The following CSMD2 variants were observed in gnomAD, a reference collection of about 807,000 sequenced individuals.
CSMD2 encodes CUB and Sushi multiple domains 2.
Under a neutral mutation model 398.5 loss-of-function variants are expected in CSMD2, and 130 were observed. The ratio of observed to expected loss-of-function variants is 0.33; its 90% CI spans 0.28 to 0.38. CSMD2 has a LOEUF of 0.38. Ranked by LOEUF, CSMD2 falls within the 10% of genes least tolerant of loss-of-function variation. The pLI is 1.00. For missense variants in CSMD2, 3,829 were observed against 4,764.9 expected, an observed-to-expected ratio of 0.80 and a Z score of 5.78; for synonymous variants, 1,828 against 1,908.5, an observed-to-expected ratio of 0.96 and a Z score of 1.10.
In CSMD2 at chr1:34,138,865, T is replaced by C. The variant is rs1419126190; in HGVS notation, c.187+26046A>G. Among the ~76,000 whole-genome samples, 3 of 152,340 alleles carry C rather than the reference T, an allele frequency of 2.0e-5. No homozygotes were observed. The East Asian group carries it at 5.8e-4, about 29-fold the overall frequency. Reference sequence around the variant, plus strand: ...ATACACATTCATATATAACCTTGCATGAATGCATAAATATGATCTTCTTGT... The same window carrying C: ...ATACACATTCATATATAACCTTGCACGAATGCATAAATATGATCTTCTTGT... On this transcript the variant is annotated intron_variant, in intron 1 of 70. Transcript: ENST00000373381.
chr1:34,025,202 CCTT>C (rs1649478385), intron 3 of CSMD2, among the ~76,000 whole-genome samples: 1 of 152,196 alleles, frequency 6.6e-6, no homozygotes, highest in Non-Finnish European at 1.5e-5. Flanking sequence ...ACGCTGTGGT[CCTT>C]ATACAGAGAT....
intron 27 of CSMD2, among the ~76,000 whole-genome samples, chr1:33,654,839 C>T (rs1250797382): frequency 6.6e-6 from 1 of 152,242 alleles, no homozygotes; most frequent in African/African-American, 2.4e-5. Flanking sequence ...GGCTTCTTCC[C>T]TTAAGTTTGC....
At chr1:33,775,557 A>G (rs1651862687) in intron 12 of CSMD2, among the ~76,000 whole-genome samples, 1 of 152,202 alleles carries the variant, frequency 6.6e-6, no homozygotes, top group Non-Finnish European at 1.5e-5. Context: ...CTTTAGTTAC[A>G]TAACTAAGTG....
intron 8 of CSMD2, 128 bp from the exon 9 acceptor site, chr1:33,819,965 GT>G: frequency 1.7e-6 from 2 of 1,159,420 alleles, no homozygotes; most frequent in Non-Finnish European, 2.4e-6. Context: ...CTGCTCCACT[GT>G]TTTATCACTA....
At chr1:33,971,104 T>C (rs977165578) in intron 3 of CSMD2, among the ~76,000 whole-genome samples, 3 of 152,188 alleles carry the variant, frequency 2.0e-5, no homozygotes, top group Non-Finnish European at 4.4e-5. Flanking sequence ...GCCCTTGCGG[T>C]GTCTGCCGGG....
At chr1:33,644,012 T>C (rs1429866544) in intron 29 of CSMD2, among the ~76,000 whole-genome samples, 1 of 152,174 alleles carries the variant, frequency 6.6e-6, no homozygotes, top group Non-Finnish European at 1.5e-5. Flanking sequence ...GTTATCTTTA[T>C]CTTGGTACTT....
At chr1:33,936,330 C>T (rs1361368624) in intron 3 of CSMD2, among the ~76,000 whole-genome samples, 2 of 152,238 alleles carry the variant, frequency 1.3e-5, no homozygotes, top group Admixed American at 1.3e-4. Flanking sequence ...CTCCACACTC[C>T]TCACTAAATA....
intron 32 of CSMD2, among the ~76,000 whole-genome samples, chr1:33,629,432 GAA>G (rs1642331901): frequency 1.3e-5 from 2 of 152,236 alleles, no homozygotes; most frequent in East Asian, 3.9e-4. Context: ...TCTTAAAAGA[GAA>G]AGACTTGGAG....
intron 15 of CSMD2, 94 bp downstream of exon 15, chr1:33,739,046 G>A (rs552682758): frequency 7.5e-5 from 95 of 1,258,790 alleles, no homozygotes; most frequent in Non-Finnish European, 9.7e-5. Context: ...AAGGACCAAC[G>A]CAGAAAGGAA....
intron 57 of CSMD2, 38 bp from the exon 58 acceptor site, chr1:33,542,934 TG>T: frequency 1.3e-6 from 2 of 1,590,868 alleles, no homozygotes; most frequent in Non-Finnish European, 1.7e-6. Flanking sequence ...ACCAGAACAA[TG>T]GTGGGTATCA....
At chr1:33,848,597 A>G (rs771637619) in intron 5 of CSMD2, among the ~76,000 whole-genome samples, 19 of 152,224 alleles carry the variant, frequency 1.2e-4, no homozygotes, top group Non-Finnish European at 2.5e-4. Context: ...TGCATTAAAC[A>G]AAAGAACTAA....
chr1:34,160,915 A>G (rs1015056739), intron 1 of CSMD2, among the ~76,000 whole-genome samples: 5 of 152,246 alleles, frequency 3.3e-5, no homozygotes, highest in Admixed American at 3.3e-4. Context: ...AAAAATCAGA[A>G]CTTTGTCAGA....
chr1:33,602,383 A>C lies in CSMD2; in HGVS notation c.6696T>G (p.Asp2232Glu), dbSNP rs779105132. 6.2e-7 allele frequency: 1 copy of C among 1,613,790 alleles called. No individual in the cohort carries two copies. Among genetic ancestry groups the C allele is most frequent in the South Asian group, 1.1e-5 (1 of 91,030 alleles). ...LSLLQTEPSG[D>E]FITIWDGPQQ... ...ACCTGGCCTACCAGATGGTGATGAA[A>C]TCTCCAGAGGGCTCTGTCTGCAGCA... Residue 2232 changes from aspartate to glutamate, a missense_variant, in exon 43 of 71, where the codon GAT becomes GAG. Asp to Glu is a conservative substitution (Grantham distance 45). This residue lies in a region of CSMD2 where 723 missense variants were observed against 758.6 expected (regional missense o/e 0.95). Transcript: ENST00000373381.
intron 44 of CSMD2, among the ~76,000 whole-genome samples, chr1:33,588,230 A>C (rs1460564099): frequency 6.6e-6 from 1 of 152,220 alleles, no homozygotes; most frequent in Non-Finnish European, 1.5e-5. Flanking sequence ...TACATTTCTT[A>C]GAAAATATGA....
intron 21 of CSMD2, 41 bp downstream of exon 21, chr1:33,714,546 A>C (rs1199215055): frequency 1.9e-6 from 3 of 1,601,098 alleles, no homozygotes; most frequent in African/African-American, 2.7e-5. Flanking sequence ...AATCTGTCCC[A>C]CCCCATTAGT....
intron 15 of CSMD2, among the ~76,000 whole-genome samples, chr1:33,732,659 C>A (rs534432649): frequency 5.3e-5 from 8 of 152,232 alleles, no homozygotes; most frequent in Admixed American, 5.2e-4. Context: ...GTCTGTGGCA[C>A]TGTGTTACGG....
chr1:33,864,062 C>T, intron 5 of CSMD2: 1 of 846,126 alleles, frequency 1.2e-6, no homozygotes, highest in Non-Finnish European at 1.9e-6. Flanking sequence ...AGGCTGAGCC[C>T]TGACTACAGC....
At chr1:34,076,002 T>G (rs1182919231) in intron 2 of CSMD2, among the ~76,000 whole-genome samples, 1 of 152,222 alleles carries the variant, frequency 6.6e-6, no homozygotes, top group African/African-American at 2.4e-5. Context: ...AAATTTAATT[T>G]GAAGCAGCCA....
At position 34,163,201 on chromosome 1, in the gene CSMD2, C is replaced by T. The variant is rs985956767; in HGVS notation, c.187+1710G>A. Among the ~76,000 whole-genome samples the T allele has an allele frequency of 6.6e-6, 1 of 152,266 alleles. No homozygotes were observed. The highest frequency in any genetic ancestry group is 2.4e-5 in the African/African-American group (1 of 41,484). ...CAGAGACCGGCCTCGCCTCAACGTA[C>T]GTCCGGGAGGCCTGGCGGGAGGTAG... On this transcript the variant is annotated intron_variant, in intron 1 of 70. Transcript: ENST00000373381. This position sits in a 1 kb window ranked among gnomAD's most constrained non-coding sequence, Gnocchi z 5.4.
Sources: allele counts gnomAD v4.1 joint callset (sites outside exome capture counted in the v4.1 genomes callset), GRCh38; gene constraint gnomAD v4.1.1; regional missense constraint gnomAD v4.1.1; non-coding constraint Gnocchi (gnomAD v3.1); transcripts MANE v1.5; gene names NCBI Gene and HGNC (gene_info 2026-07-23, HGNC 2026-07-21).